Variants in ACER1 observed in about 807,000 individuals in gnomAD.
ACER1 encodes the protein CTB-180A7.3.
ACER1 carries 28 observed loss-of-function variants against 24.9 expected under a neutral mutation model. The observed-to-expected ratio is 1.13, with a 90% CI of 0.83 to 1.54. ACER1 has a LOEUF of 1.54. ACER1 is among the 40% of genes most tolerant of loss of function. ACER1 has a pLI of 0.00. For missense variants in ACER1, 352 were observed against 349.3 expected (o/e 1.01, Z -0.06); for synonymous variants, 132 against 131.4 (o/e 1.00, Z -0.03).
chr19:6,318,567 C>T (rs964892554), intron 1 of ACER1, among the ~76,000 whole-genome samples: 6 of 142,250 alleles, frequency 4.2e-5, no homozygotes, highest in South Asian at 2.3e-4. Flanking sequence ...CATGAGGTCA[C>T]GAGATCGAGA....
At chr19:6,317,819 A>G (rs1294734317) in intron 1 of ACER1, among the ~76,000 whole-genome samples, 1 of 151,850 alleles carries the variant, frequency 6.6e-6, no homozygotes, top group Non-Finnish European at 1.5e-5. Context: ...CAGTGGGGCA[A>G]TCTTGGCTCA....
chr19:6,352,409 T>G, the ACER1 span, among the ~76,000 whole-genome samples: 1 of 152,096 alleles, frequency 6.6e-6, no homozygotes. Flanking sequence ...CAAACAGCCA[T>G]GTGGAGAGAG....
intron 1 of ACER1, among the ~76,000 whole-genome samples, chr19:6,317,428 CA>C (rs1159189538): frequency 2.0e-5 from 3 of 152,238 alleles, no homozygotes; most frequent in African/African-American, 7.2e-5. Flanking sequence ...ACAGATGGGA[CA>C]GGGGCCATGC....
the ACER1 span, among the ~76,000 whole-genome samples, chr19:6,355,684 G>C: frequency 1.6e-5 from 2 of 127,040 alleles, no homozygotes; most frequent in African/African-American, 6.5e-5. Flanking sequence ...GCCTCTGCCC[G>C]GCCACCCCTA....
At chr19:6,334,356 T>A (rs189122251), upstream of ACER1, among the ~76,000 whole-genome samples, 333 of 151,148 alleles carry the variant, frequency 2.2e-3, 1 homozygote, top group African/African-American at 7.1e-3. Flanking sequence ...CCTTTTTTTT[T>A]AAAATTGAGA....
At chr19:6,358,125 G>A in the ACER1 span, among the ~76,000 whole-genome samples, 13 of 152,242 alleles carry the variant, frequency 8.5e-5, no homozygotes, top group Admixed American at 5.9e-4. Flanking sequence ...TGGGGCAACC[G>A]GCCGGGCAGG....
chr19:6,336,509 C>T (rs148007747), upstream of ACER1, among the ~76,000 whole-genome samples: 140 of 152,152 alleles, frequency 9.2e-4, no homozygotes, highest in African/African-American at 3.1e-3. Context: ...AGTGAGCTGA[C>T]ACGATGTTTC....
intron 1 of ACER1, among the ~76,000 whole-genome samples, chr19:6,329,356 T>TATAGAATAGAATAGAATAGAATAGA (rs57029699): frequency 0.034 from 4,597 of 133,930 alleles, 157 homozygotes; most frequent in East Asian, 0.072. Context: ...GGCTTTTTGA[T>TATAGAATAGAATAGAATAGAATAGA]ATAGAATAGA....
the ACER1 span, among the ~76,000 whole-genome samples, chr19:6,357,069 G>A: frequency 2.1e-5 from 3 of 142,466 alleles, 1 homozygote; most frequent in Non-Finnish European, 3.0e-5. Flanking sequence ...TTTTGAGATG[G>A]AGTCTCGCTC....
intron 1 of ACER1, among the ~76,000 whole-genome samples, chr19:6,319,797 G>A (rs1048043483): frequency 2.6e-5 from 4 of 151,958 alleles, no homozygotes; most frequent in African/African-American, 4.8e-5. Context: ...ATACATTTTA[G>A]TAGAAAAGAA....
intron 3 of ACER1, among the ~76,000 whole-genome samples, chr19:6,310,694 C>T (rs950313328): frequency 2.6e-5 from 4 of 151,770 alleles, no homozygotes; most frequent in African/African-American, 9.7e-5. Flanking sequence ...GCCTGGGCAA[C>T]ATGGCAAAAC....
intron 1 of ACER1, among the ~76,000 whole-genome samples, chr19:6,322,731 C>T (rs531600546): frequency 1.3e-5 from 2 of 152,146 alleles, no homozygotes; most frequent in Non-Finnish European, 2.9e-5. Flanking sequence ...TCCCACAATT[C>T]CCGTGTGATT....
At chr19:6,347,109 A>AAAAAAAAAAAATATATATATATAT in the ACER1 span, among the ~76,000 whole-genome samples, 1 of 113,822 alleles carries the variant, frequency 8.8e-6, no homozygotes, top group African/African-American at 5.1e-5. Context: ...AAAAAAAAAA[A>AAAAAAAAAAAATATATATATATAT]ATATATATAT....
At chr19:6,336,982 C>T (rs1256523928), upstream of ACER1, among the ~76,000 whole-genome samples, 1 of 151,740 alleles carries the variant, frequency 6.6e-6, no homozygotes, top group African/African-American at 2.4e-5. Context: ...TCAAGACTAG[C>T]CTGGCCAAAA....
chr19:6,328,164 C>T (rs1409967297), intron 1 of ACER1, among the ~76,000 whole-genome samples: 2 of 151,176 alleles, frequency 1.3e-5, no homozygotes, highest in Admixed American at 6.6e-5. Flanking sequence ...GGCATAGTTG[C>T]GTAGTTGAGA....
intron 1 of ACER1, among the ~76,000 whole-genome samples, chr19:6,314,550 T>C (rs1202713210): frequency 6.6e-6 from 1 of 151,890 alleles, no homozygotes; most frequent in Non-Finnish European, 1.5e-5. Context: ...ACATCAGACT[T>C]TGACTCCCCA....
chr19:6,336,816 A>G (rs2091716016), upstream of ACER1, among the ~76,000 whole-genome samples: 1 of 112,972 alleles, frequency 8.9e-6, no homozygotes, highest in African/African-American at 4.3e-5. Flanking sequence ...CGAGACCCCG[A>G]CTCAAAAAAA....
At chr19:6,315,330 A>G (rs2091598331) in intron 1 of ACER1, among the ~76,000 whole-genome samples, 2 of 151,798 alleles carry the variant, frequency 1.3e-5, no homozygotes, top group African/African-American at 2.4e-5. Context: ...CAGCCCTCCA[A>G]GTAGCTGGGA....
At chr19:6,338,022 TTACACC>T (rs535576984), upstream of ACER1, among the ~76,000 whole-genome samples, 970 of 151,694 alleles carry the variant, frequency 6.4e-3, 11 homozygotes, top group African/African-American at 0.022. Flanking sequence ...GTGCAGTGGC[TTACACC>T]TCTAATTCCA....
Sources: gnomAD v4.1 joint callset for allele counts (sites outside exome capture counted in the v4.1 genomes callset) on GRCh38, gnomAD v4.1.1 for gene constraint, MANE v1.5 for transcripts, NCBI Gene and HGNC (gene_info 2026-07-23, HGNC 2026-07-21) for gene names.